The following RNF170 variants were observed in gnomAD, a reference collection of about 807,000 sequenced individuals.
The protein encoded by RNF170 is ring finger protein 170, also known as E3 ubiquitin-protein ligase RNF170.
RNF170 carries 12 observed loss-of-function variants against 32.7 expected under a neutral mutation model. The observed-to-expected ratio is 0.37, with a 90% CI of 0.24 to 0.60. RNF170 has a LOEUF of 0.60. RNF170 is among the 20% of genes least tolerant of loss of function. The pLI, the probability that RNF170 is intolerant of heterozygous loss-of-function variation, is 0.72. For synonymous variants in RNF170, 91 were observed against 103.6 expected (o/e 0.88, Z 0.74); for missense variants, 212 against 311.2 (o/e 0.68, Z 2.40).
At chr8:42,875,855 G>A (rs911703015) in intron 2 of RNF170, among the ~76,000 whole-genome samples, 2 of 152,192 alleles carry the variant, frequency 1.3e-5, no homozygotes, top group African/African-American at 2.4e-5. Flanking sequence ...GATTACTGGC[G>A]TGAGCCACCG....
intron 2 of RNF170, among the ~76,000 whole-genome samples, chr8:42,884,057 G>A (rs1053979967): frequency 1.3e-5 from 2 of 151,990 alleles, no homozygotes; most frequent in Non-Finnish European, 2.9e-5. Flanking sequence ...TGCCCACTGC[G>A]CCTGGCAGAA....
intron 2 of RNF170, among the ~76,000 whole-genome samples, chr8:42,877,933 T>C (rs1282365334): frequency 2.0e-5 from 3 of 152,252 alleles, no homozygotes; most frequent in Non-Finnish European, 4.4e-5. Flanking sequence ...TTGCGTTTTT[T>C]ACAAACTGAA....
chr8:42,866,245 GGTATTA>G (rs1488377312), intron 4 of RNF170, among the ~76,000 whole-genome samples: 1 of 151,634 alleles, frequency 6.6e-6, no homozygotes, highest in African/African-American at 2.4e-5. Context: ...ATAGTAATAA[GGTATTA>G]GTACAAGTGG....
intron 4 of RNF170, among the ~76,000 whole-genome samples, chr8:42,867,253 C>T (rs1042229129): frequency 2.6e-5 from 4 of 151,834 alleles, no homozygotes; most frequent in Non-Finnish European, 5.9e-5. Context: ...AGGCGGATCA[C>T]CTGAGGTTGG....
At position 42,853,614 on chromosome 8, in the gene RNF170, TA is replaced by T. The variant is rs1162198202; in HGVS notation, c.*2544del. On this transcript the variant is annotated 3_prime_UTR_variant, in exon 7 of 7. Coordinates refer to ENST00000527424, the MANE Select transcript of RNF170 (RefSeq NM_030954.4). ...TTATGACAGTTATGATATTGTTGTT[TA>T]AAAAAAATCCAAATTGTTACTTTGA... The T allele has an allele frequency of 1.2e-5, 16 of 1,283,400 alleles. No individual in the cohort carries two copies. Among genetic ancestry groups the T allele is most frequent in the Non-Finnish European group, 1.5e-5 (15 of 986,352 alleles). 79.5% of individuals were successfully genotyped at this position (1,283,400 alleles called of 1,614,324 possible).
At chr8:42,869,153 T>C (rs1296983645) in intron 4 of RNF170, among the ~76,000 whole-genome samples, 1 of 152,148 alleles carries the variant, frequency 6.6e-6, no homozygotes, top group Non-Finnish European at 1.5e-5. Flanking sequence ...CAAGCAATCC[T>C]CCTGCCTTAG....
At chr8:42,891,326 T>G (rs1481261001) in intron 1 of RNF170, among the ~76,000 whole-genome samples, 1 of 152,220 alleles carries the variant, frequency 6.6e-6, no homozygotes, top group Non-Finnish European at 1.5e-5. Context: ...TAACTCTTCC[T>G]CATTGTTCTT....
At chr8:42,889,957 C>A (rs1223188613) in intron 1 of RNF170, among the ~76,000 whole-genome samples, 2 of 152,120 alleles carry the variant, frequency 1.3e-5, no homozygotes, top group Non-Finnish European at 2.9e-5. Flanking sequence ...CAAATGTTAT[C>A]CCCTGTGTCA....
intron 6 of RNF170, among the ~76,000 whole-genome samples, chr8:42,859,025 A>T (rs1022808768): frequency 1.5e-4 from 23 of 152,042 alleles, no homozygotes; most frequent in African/African-American, 5.6e-4. Context: ...TCTACAAAAA[A>T]TATAAAAATT....
intron 1 of RNF170, among the ~76,000 whole-genome samples, chr8:42,892,887 T>C (rs1243067855): frequency 6.6e-6 from 1 of 152,052 alleles, no homozygotes; most frequent in East Asian, 1.9e-4. Flanking sequence ...CTCGGGAGGC[T>C]GAGGCATGAG....
chr8:42,887,735 G>C lies in RNF170; in HGVS notation c.130C>G (p.Leu44Val). Residue 44 changes from leucine (L) to valine (V), a missense_variant, in exon 2 of 7, where the codon CTT becomes GTT. This residue lies in a region of RNF170 where 115 missense variants were observed against 132.3 expected (regional missense o/e 0.87). Transcript: ENST00000527424. Reference sequence around the variant, plus strand: ...TTTGTCCTTAAATCTCACCTGAAAAGTGCATATACCAGGGTAGCAATCAAA... The same window carrying C: ...TTTGTCCTTAAATCTCACCTGAAAACTGCATATACCAGGGTAGCAATCAAA... ...FALIATLVYA[L>V]FRNVHQNIHP... 6.2e-7 allele frequency: 1 copy of C among 1,614,058 alleles called. No individual in the cohort carries two copies.
At chr8:42,890,783 A>C (rs1401906027) in intron 1 of RNF170, among the ~76,000 whole-genome samples, 1 of 152,170 alleles carries the variant, frequency 6.6e-6, no homozygotes, top group Non-Finnish European at 1.5e-5. Context: ...ATGGAGATCT[A>C]CTAATGCCAT....
intron 1 of RNF170, among the ~76,000 whole-genome samples, chr8:42,890,186 C>T (rs943912110): frequency 5.3e-5 from 8 of 150,120 alleles, no homozygotes; most frequent in Admixed American, 2.0e-4. Context: ...AATGGTAATG[C>T]GAATAAATTA....
intron 1 of RNF170, among the ~76,000 whole-genome samples, chr8:42,893,525 T>C (rs1194177655): frequency 6.6e-6 from 1 of 152,168 alleles, no homozygotes; most frequent in Non-Finnish European, 1.5e-5. Flanking sequence ...GGCATTAGGT[T>C]GAACCATATC....
intron 1 of RNF170, among the ~76,000 whole-genome samples, chr8:42,889,741 A>G (rs979855179): frequency 3.3e-5 from 5 of 152,222 alleles, no homozygotes; most frequent in Admixed American, 6.5e-5. Flanking sequence ...TCACAGAAAC[A>G]GCTCTAATTG....
chr8:42,864,938 G>A (rs1286897346), intron 5 of RNF170, among the ~76,000 whole-genome samples: 1 of 150,776 alleles, frequency 6.6e-6, no homozygotes, highest in Admixed American at 6.6e-5. Context: ...AAAAATAATC[G>A]TGGGCCGGGT....
chr8:42,890,539 A>C (rs1364241089), intron 1 of RNF170, among the ~76,000 whole-genome samples: 1 of 152,062 alleles, frequency 6.6e-6, no homozygotes, highest in African/African-American at 2.4e-5. Flanking sequence ...AGCCTCCCAA[A>C]GTGCTGGGAT....
At chr8:42,891,031 C>T (rs1193952608) in intron 1 of RNF170, among the ~76,000 whole-genome samples, 2 of 152,294 alleles carry the variant, frequency 1.3e-5, no homozygotes, top group East Asian at 3.9e-4. Context: ...AAATCAAGGA[C>T]TTCTGTTCTC....
rs76713932 is a variant in RNF170, at chr8:42,854,500, A to C, written c.*1659T>G. 295 of 1,286,666 alleles carry C rather than the reference A, an allele frequency of 2.3e-4. No homozygotes were observed. The African/African-American group carries it at 4.2e-3, about 18-fold the overall frequency. 79.7% of individuals were successfully genotyped at this position (1,286,666 alleles called of 1,614,324 possible). A position where few individuals can be genotyped will look rare whatever the true frequency, so the allele number is the denominator to read the frequency against. Reference sequence around the variant, plus strand: ...GAAAAGTATGTGAGAAACCTGCTTTAATTATAATGTGCTATGTTTAAGCAT... The same window carrying C: ...GAAAAGTATGTGAGAAACCTGCTTTCATTATAATGTGCTATGTTTAAGCAT... On this transcript the variant is annotated 3_prime_UTR_variant, in exon 7 of 7. Transcript: ENST00000527424.
Sources: allele counts gnomAD v4.1 joint callset (sites outside exome capture counted in the v4.1 genomes callset), GRCh38; gene constraint gnomAD v4.1.1; regional missense constraint gnomAD v4.1.1; transcripts MANE v1.5; gene names NCBI Gene and HGNC (gene_info 2026-07-23, HGNC 2026-07-21).